The following SORBS2 variants were observed in gnomAD, a reference collection of about 807,000 sequenced individuals.
SORBS2 encodes the protein sorbin and SH3 domain containing 2.
SORBS2 carries 46 observed loss-of-function variants against 97.7 expected under a neutral mutation model. The ratio of observed to expected loss-of-function variants is 0.47; its 90% CI spans 0.37 to 0.60. The LOEUF (loss-of-function observed/expected upper bound fraction) is 0.60, where lower values mean the gene tolerates loss of function less well. SORBS2 is among the 20% of genes least tolerant of loss of function. The pLI, the probability that SORBS2 is intolerant of heterozygous loss-of-function variation, is 0.00. For synonymous variants in SORBS2, 476 were observed against 473.4 expected (o/e 1.01, Z -0.07); for missense variants, 1,316 against 1,282.3 (o/e 1.03, Z -0.40).
At chr4:185,711,886 G>A (rs11132336) in intron 2 of SORBS2, among the ~76,000 whole-genome samples, 2 of 151,974 alleles carry the variant, frequency 1.3e-5, no homozygotes, top group Admixed American at 6.5e-5. Flanking sequence ...CGTGCTCCCC[G>A]CCACCTATCC....
chr4:185,924,079 A>T (rs2099262336), intron 1 of SORBS2, among the ~76,000 whole-genome samples: 1 of 152,208 alleles, frequency 6.6e-6, no homozygotes, highest in South Asian at 2.1e-4. Flanking sequence ...GGTCACAGTC[A>T]ATATTTGTGA....
At chr4:185,829,187 A>G (rs6841043) in intron 1 of SORBS2, among the ~76,000 whole-genome samples, 25,047 of 152,074 alleles carry the variant, frequency 0.16, 2,198 homozygotes, top group South Asian at 0.3. Context: ...CAATCATCAT[A>G]CTCTTGCTGT....
intron 11 of SORBS2, 111 bp from the exon 24 acceptor site, chr4:185,612,091 C>G (rs1383436828): frequency 1.3e-6 from 1 of 786,920 alleles, no homozygotes; most frequent in Non-Finnish European, 2.0e-6. Context: ...AGGTTTTATA[C>G]CTTCAGTTTT....
intron 1 of SORBS2, among the ~76,000 whole-genome samples, chr4:185,804,704 AATT>A (rs140587600): frequency 1.3e-5 from 2 of 152,126 alleles, no homozygotes; most frequent in Non-Finnish European, 2.9e-5. Flanking sequence ...AATCTATATA[AATT>A]ATTATTATTA....
intron 4 of SORBS2, chr4:185,638,120 G>C (rs754666972): frequency 6.2e-7 from 1 of 1,611,608 alleles, no homozygotes; most frequent in African/African-American, 1.3e-5. Flanking sequence ...TTATACCAGG[G>C]CTCATTTTCT....
chr4:185,800,406 C>T (rs568303733), intron 1 of SORBS2, among the ~76,000 whole-genome samples: 6 of 152,144 alleles, frequency 3.9e-5, no homozygotes, highest in African/African-American at 2.4e-5. Context: ...CGTTCCTGGG[C>T]GTCCGCTGGG....
At chr4:185,790,546 T>A (rs1360826827) in intron 1 of SORBS2, among the ~76,000 whole-genome samples, 2 of 152,180 alleles carry the variant, frequency 1.3e-5, no homozygotes, top group Non-Finnish European at 2.9e-5. Context: ...TGGGCGACTC[T>A]ACAGTTGGAA....
chr4:185,799,393 C>A (rs1203448462), intron 1 of SORBS2, among the ~76,000 whole-genome samples: 1 of 152,126 alleles, frequency 6.6e-6, no homozygotes, highest in Non-Finnish European at 1.5e-5. Flanking sequence ...GGTAGCAAAC[C>A]GGGTAGTGGG....
At chr4:185,830,249 C>T (rs540987578) in intron 1 of SORBS2, among the ~76,000 whole-genome samples, 1 of 152,142 alleles carries the variant, frequency 6.6e-6, no homozygotes, top group Non-Finnish European at 1.5e-5. Context: ...TTCTGGTTGG[C>T]CCTCTAGATG....
intron 1 of SORBS2, among the ~76,000 whole-genome samples, chr4:185,824,101 C>T (rs1295538630): frequency 6.6e-5 from 10 of 152,070 alleles, no homozygotes; most frequent in Admixed American, 3.3e-4. Flanking sequence ...TACCCCAAAC[C>T]GGGTGGCTTC....
intron 1 of SORBS2, among the ~76,000 whole-genome samples, chr4:185,949,803 A>C (rs2099276304): frequency 6.6e-6 from 1 of 152,168 alleles, no homozygotes; most frequent in African/African-American, 2.4e-5. Flanking sequence ...GGGAACTATA[A>C]CTGACAACAA....
intron 4 of SORBS2, among the ~76,000 whole-genome samples, chr4:185,666,838 C>T (rs1389510714): frequency 6.6e-6 from 1 of 152,162 alleles, no homozygotes; most frequent in Non-Finnish European, 1.5e-5. Flanking sequence ...AAACCAGCCA[C>T]TGATAATAGT....
At chr4:185,832,524 A>G (rs1410182591) in intron 1 of SORBS2, among the ~76,000 whole-genome samples, 1 of 152,206 alleles carries the variant, frequency 6.6e-6, no homozygotes, top group Non-Finnish European at 1.5e-5. Flanking sequence ...GTCACCATGG[A>G]CGTGGTTTGG....
At chr4:185,800,815 T>C (rs1400513356) in intron 1 of SORBS2, among the ~76,000 whole-genome samples, 1 of 152,206 alleles carries the variant, frequency 6.6e-6, no homozygotes, top group Non-Finnish European at 1.5e-5. Context: ...ACATTTAAGG[T>C]GAACCACGGG....
At chr4:185,851,624 G>A (rs911443698) in intron 1 of SORBS2, among the ~76,000 whole-genome samples, 3 of 152,106 alleles carry the variant, frequency 2.0e-5, no homozygotes, top group African/African-American at 7.2e-5. Context: ...TGTTGCCAAA[G>A]GAGATTAACA....
rs148602303 is a variant in SORBS2, at chr4:185,891,346, C to G, written c.-338+64850G>C. 2.7e-3 allele frequency among the ~76,000 whole-genome samples: 412 copies of G among 152,282 alleles called. 1 individual carries two copies. Among genetic ancestry groups the G allele is most frequent in the African/African-American group, 9.4e-3 (391 of 41,546 alleles). ...ACCTCCAAACCGCCTTTAGTCATTC[C>G]TGGGCATGACAGCCTTTCCCAAACC... On this transcript the variant is annotated intron_variant, in intron 1 of 20. Transcript: ENST00000284776.
chr4:185,590,841 A>G (rs1439908143), intron 13 of SORBS2, among the ~76,000 whole-genome samples: 1 of 152,194 alleles, frequency 6.6e-6, no homozygotes. Context: ...TCATAATAGT[A>G]CTAAAATATT....
At chr4:185,820,129 C>G (rs2099195841) in intron 1 of SORBS2, among the ~76,000 whole-genome samples, 1 of 152,182 alleles carries the variant, frequency 6.6e-6, no homozygotes, top group African/African-American at 2.4e-5. Flanking sequence ...TGGGAAACAT[C>G]AGCTGGACGT....
chr4:185,780,695 A>G (rs2099024170), intron 1 of SORBS2, among the ~76,000 whole-genome samples: 1 of 152,218 alleles, frequency 6.6e-6, no homozygotes, highest in Non-Finnish European at 1.5e-5. Context: ...AAGGAGTCAA[A>G]TCATACGTCC....
Sources: gnomAD v4.1 joint callset for allele counts (sites outside exome capture counted in the v4.1 genomes callset) on GRCh38, gnomAD v4.1.1 for gene constraint, MANE v1.5 for transcripts, NCBI Gene and HGNC (gene_info 2026-07-23, HGNC 2026-07-21) for gene names.